The following SLC66A3 variants were observed in gnomAD, a reference collection of about 807,000 sequenced individuals.
The protein encoded by SLC66A3 is solute carrier family 66 member 3.
Under a neutral mutation model 25.5 loss-of-function variants are expected in SLC66A3, and 23 were observed. The observed-to-expected ratio is 0.90, with a 90% confidence interval of 0.65 to 1.28. SLC66A3 has a LOEUF of 1.28. Among genes scored for constraint, SLC66A3 ranks in the 50% most tolerant of loss-of-function variants. SLC66A3 has a pLI of 0.00. For missense variants in SLC66A3, 246 were observed against 262.1 expected (o/e 0.94, Z 0.42); for synonymous variants, 108 against 112.6 (o/e 0.96, Z 0.26).
chr2:11,167,013 G>A (rs996550659), intron 4 of SLC66A3, among the ~76,000 whole-genome samples: 3 of 152,218 alleles, frequency 2.0e-5, no homozygotes, highest in African/African-American at 7.2e-5. Context: ...TCACAACCCT[G>A]TAAATGAGCC....
rs769967613 is a variant in SLC66A3 at position 11,160,678 on chromosome 2, A to G, written c.280A>G (p.Thr94Ala). Reference protein sequence around the residue: ...FHFNGNVKQATPYIAVLVSSW... With the variant: ...FHFNGNVKQAAPYIAVLVSSW... The stretch of plus-strand genomic sequence containing the variant: ...TTTTAACGGGAACGTGAAGCAGGCC[A>G]CTCCTTACATCGCTGTGTATCCTTT... Residue 94 changes from threonine to alanine, a missense_variant, in exon 3 of 7, where the codon ACT becomes GCT. Physicochemically the swap from Thr to Ala is moderately conservative, Grantham distance 58. This residue lies in a region of SLC66A3 where 142 missense variants were observed against 130.3 expected (regional missense o/e 1.09). Coordinates refer to ENST00000295083, the MANE Select transcript of SLC66A3 (RefSeq NM_152391.5). The G allele has an allele frequency of 5.6e-6, 9 of 1,613,500 alleles. No homozygotes were observed. The East Asian group carries it at 2.0e-4, about 36-fold the overall frequency.
intron 4 of SLC66A3, among the ~76,000 whole-genome samples, chr2:11,164,850 G>A (rs1459913037): frequency 6.6e-6 from 1 of 152,282 alleles, no homozygotes; most frequent in Admixed American, 6.5e-5. Flanking sequence ...GCACTGGGTT[G>A]GGGGTAAGGT....
chr2:11,167,007 A>G (rs1408621876), intron 4 of SLC66A3, among the ~76,000 whole-genome samples: 1 of 152,228 alleles, frequency 6.6e-6, no homozygotes, highest in Non-Finnish European at 1.5e-5. Flanking sequence ...CAACTCTCAC[A>G]ACCCTGTAAA....
intron 3 of SLC66A3, 35 bp downstream of exon 3, chr2:11,160,729 G>A (rs372161213): frequency 9.3e-6 from 15 of 1,613,214 alleles, no homozygotes; most frequent in South Asian, 7.7e-5. Flanking sequence ...AAGTGGGAAC[G>A]GGGATGTTAT....
chr2:11,160,800 C>CAA, intron 3 of SLC66A3, 106 bp downstream of exon 3: 2 of 1,219,664 alleles, frequency 1.6e-6, no homozygotes, highest in Non-Finnish European at 2.1e-6. Flanking sequence ...TTTGGTTAAA[C>CAA]TAAAAAAAAA....
intron 1 of SLC66A3, among the ~76,000 whole-genome samples, chr2:11,159,766 C>T (rs1469616492): frequency 2.6e-5 from 4 of 152,166 alleles, no homozygotes; most frequent in South Asian, 2.1e-4. Context: ...ACAGGGATTC[C>T]GGTCCTGAAG....
intron 4 of SLC66A3, among the ~76,000 whole-genome samples, chr2:11,165,137 C>G (rs573221558): frequency 2.0e-5 from 3 of 151,504 alleles, no homozygotes; most frequent in Non-Finnish European, 4.4e-5. Flanking sequence ...ACCTCCCGGA[C>G]GGGGCGGCTG....
At position 11,178,004 on chromosome 2, in the gene SLC66A3, A is replaced by G; in HGVS notation, c.*176A>G. ...ACTTAAATTCTTGTTTAAAAATACC[A>G]ATTTGCCTCCTCCTTCCTCACTTCG... On this transcript the variant is annotated 3_prime_UTR_variant, in exon 7 of 7. Coordinates refer to ENST00000295083, the MANE Select transcript of SLC66A3 (RefSeq NM_152391.5). 1 of 572,282 alleles carries G rather than the reference A, an allele frequency of 1.7e-6. No individual in the cohort carries two copies. Among genetic ancestry groups the G allele is most frequent in the South Asian group, 2.2e-5 (1 of 45,550 alleles). 35.5% of individuals were successfully genotyped at this position (572,282 alleles called of 1,614,324 possible).
At chr2:11,162,372 G>A (rs1185677845) in intron 3 of SLC66A3, among the ~76,000 whole-genome samples, 3 of 152,204 alleles carry the variant, frequency 2.0e-5, no homozygotes, top group Non-Finnish European at 4.4e-5. Flanking sequence ...ACAGTACTTT[G>A]AAGATGAAAA....
rs1186098636 is a variant in SLC66A3 at position 11,169,837 on chromosome 2, C to CTTTTTTTTTTTTT, written c.355-2080_355-2068dup. Among the ~76,000 whole-genome samples the CTTTTTTTTTTTTT allele has an allele frequency of 3.3e-4, 29 of 89,048 alleles. 3 individuals carry two copies. The highest frequency in any genetic ancestry group is 6.2e-4 in the East Asian group (2 of 3,252). The allele number at this position is 89,048 out of a possible 152,430, so 58.4% of individuals were successfully genotyped here. A position where few individuals can be genotyped will look rare whatever the true frequency, so the allele number is the denominator to read the frequency against. On this transcript the variant is annotated intron_variant, in intron 4 of 6. Coordinates refer to ENST00000295083, the MANE Select transcript of SLC66A3 (RefSeq NM_152391.5). ...GATTAGAATCACCCTGGATTTCTCT[C>CTTTTTTTTTTTTT]TTTTTTTTTTTTTTTTTTTTGAGAC...
rs183773719 is a variant in SLC66A3 at position 11,170,069 on chromosome 2, C to T, written c.355-1856C>T. Among the ~76,000 whole-genome samples the T allele has an allele frequency of 5.9e-3, 896 of 152,234 alleles. 6 individuals carry two copies. The highest frequency in any genetic ancestry group is 9.6e-3 in the Non-Finnish European group (655 of 68,008). ...GACCAGGACGGTCTCGATCTCTTGACCTCGTGATCTGCCCGCCTCGGCCTC... is the reference window on the plus strand; with the variant it reads ...GACCAGGACGGTCTCGATCTCTTGATCTCGTGATCTGCCCGCCTCGGCCTC... On this transcript the variant is annotated intron_variant, in intron 4 of 6. Coordinates refer to ENST00000295083, the MANE Select transcript of SLC66A3 (RefSeq NM_152391.5).
rs749310719 is a variant in SLC66A3 at position 11,164,194 on chromosome 2, A to G, written c.297-10A>G. The G allele has an allele frequency of 2.0e-5, 32 of 1,570,638 alleles. 1 individual carries two copies. In the South Asian group the frequency reaches 3.8e-4, roughly 18 times the overall value. ...GTGACCCACTGCTGTGTCCCTTAGC[A>G]CTTGGTAAGATTGGTGTCTTCTTGG... On this transcript the variant is annotated splice_polypyrimidine_tract_variant and intron_variant, in intron 3 of 6. Transcript: ENST00000295083.
intron 4 of SLC66A3, among the ~76,000 whole-genome samples, chr2:11,164,844 T>G (rs191871778): frequency 3.9e-5 from 6 of 152,088 alleles, no homozygotes; most frequent in African/African-American, 1.5e-4. Context: ...CAGAGAGCAC[T>G]GGGTTGGGGG....
chr2:11,172,163 G>T (rs1654836332), intron 5 of SLC66A3, 118 bp downstream of exon 5: 7 of 872,168 alleles, frequency 8.0e-6, no homozygotes, highest in Non-Finnish European at 1.0e-5. Context: ...TTTACAAATG[G>T]CTACTCAGCT....
chr2:11,165,620 C>T (rs539943696), intron 4 of SLC66A3, among the ~76,000 whole-genome samples: 51 of 152,316 alleles, frequency 3.3e-4, no homozygotes, highest in African/African-American at 1.2e-3. Flanking sequence ...GGGTGTCGGC[C>T]GGGCAGAGGC....
chr2:11,167,273 C>T (rs572897634), intron 4 of SLC66A3, among the ~76,000 whole-genome samples: 6 of 152,032 alleles, frequency 3.9e-5, no homozygotes, highest in South Asian at 2.1e-4. Context: ...GGCGAAACCC[C>T]GTCTACTAAA....
Position 11,171,923 on chromosome 2 carries a change from A to G in SLC66A3, c.355-2A>G. The G allele has an allele frequency of 1.2e-6, 2 of 1,613,690 alleles. No homozygotes were observed. Among genetic ancestry groups the G allele is most frequent in the East Asian group, 4.5e-5 (2 of 44,872 alleles). ...ACTTTCTCACATTTTATCTGCAAACAGAATCTATGTACTTTCATCAGCGCG... is the reference window on the plus strand; with the variant it reads ...ACTTTCTCACATTTTATCTGCAAACGGAATCTATGTACTTTCATCAGCGCG... On this transcript the variant is annotated splice_acceptor_variant, in intron 4 of 6. Transcript: ENST00000295083. LOFTEE classifies it high-confidence loss of function.
At chr2:11,157,744 T>C (rs1472950858) in intron 1 of SLC66A3, among the ~76,000 whole-genome samples, 1 of 152,250 alleles carries the variant, frequency 6.6e-6, no homozygotes, top group Non-Finnish European at 1.5e-5. Flanking sequence ...CTTTTTAGTG[T>C]GGCTTGGTGT....
intron 1 of SLC66A3, among the ~76,000 whole-genome samples, chr2:11,159,997 C>A (rs1021132998): frequency 1.3e-5 from 2 of 152,200 alleles, no homozygotes; most frequent in African/African-American, 4.8e-5. Context: ...CGGCCACAGA[C>A]CCCCGCATCC....
Sources: gnomAD v4.1 joint callset for allele counts (sites outside exome capture counted in the v4.1 genomes callset) on GRCh38, gnomAD v4.1.1 for gene constraint, gnomAD v4.1.1 regional missense constraint, MANE v1.5 for transcripts, NCBI Gene and HGNC (gene_info 2026-07-23, HGNC 2026-07-21) for gene names.